Variants in NR2C2 observed in about 807,000 individuals in gnomAD.
NR2C2 encodes the protein Nuclear hormone receptor TR4.
NR2C2 carries 6 observed loss-of-function variants against 62.9 expected under a neutral mutation model. The ratio of observed to expected loss-of-function variants is 0.10; its 90% CI spans 0.05 to 0.19. NR2C2 has a LOEUF of 0.19. Among genes scored for constraint, NR2C2 ranks in the 10% least tolerant of loss-of-function variants. The pLI, the probability that NR2C2 is intolerant of heterozygous loss-of-function variation, is 1.00. For missense variants in NR2C2, 479 were observed against 762.7 expected (o/e 0.63, Z 4.38); for synonymous variants, 272 against 273.8 (o/e 0.99, Z 0.07).
At chr3:14,991,756 T>A (rs549887105) in intron 1 of NR2C2, among the ~76,000 whole-genome samples, 1 of 150,520 alleles carries the variant, frequency 6.6e-6, no homozygotes, top group East Asian at 1.9e-4. Flanking sequence ...TTTCTTTTTT[T>A]TTTTTCTTTT....
At chr3:15,019,711 A>G (rs757919877) in intron 4 of NR2C2, among the ~76,000 whole-genome samples, 26 of 152,142 alleles carry the variant, frequency 1.7e-4, no homozygotes, top group African/African-American at 4.3e-4. Context: ...AAAAAAATTG[A>G]TATCATAGAA....
In NR2C2 at chr3:15,045,621, C is replaced by A. The variant is rs1341161638; in HGVS notation, c.*2613C>A. 1 of 152,650 alleles carries A rather than the reference C, an allele frequency of 6.6e-6. No individual in the cohort carries two copies. Among genetic ancestry groups the A allele is most frequent in the African/African-American group, 2.4e-5 (1 of 41,450 alleles). The allele number at this position is 152,650 out of a possible 1,614,324, so 9.5% of individuals were successfully genotyped here. A position where few individuals can be genotyped will look rare whatever the true frequency, so the allele number is the denominator to read the frequency against. ...TCTTGCTGCTTTAACTCATTTCAAG[C>A]CTCTGACTGCAGGTCCATTTCATCT... On this transcript the variant is annotated 3_prime_UTR_variant, in exon 14 of 14. Transcript: ENST00000425241.
At position 15,003,876 on chromosome 3, in the gene NR2C2, G is replaced by A; in HGVS notation, c.-39G>A. ...GATCCAGCCCACTTCTCACCCACAGGTAACACGTACACAGACCTCTCGGCC... is the reference window on the plus strand; with the variant it reads ...GATCCAGCCCACTTCTCACCCACAGATAACACGTACACAGACCTCTCGGCC... On this transcript the variant is annotated splice_region_variant and 5_prime_UTR_variant, in exon 2 of 14. Coordinates refer to ENST00000425241, the MANE Select transcript of NR2C2 (RefSeq NM_001291694.2). The A allele has an allele frequency of 6.2e-7, 1 of 1,603,868 alleles. No individual in the cohort carries two copies. The highest frequency in any genetic ancestry group is 8.5e-7 in the Non-Finnish European group (1 of 1,170,958).
intron 1 of NR2C2, among the ~76,000 whole-genome samples, chr3:14,976,726 T>C (rs2040218290): frequency 1.3e-5 from 2 of 151,202 alleles, no homozygotes; most frequent in African/African-American, 4.9e-5. Context: ...ATTACATGGC[T>C]AATTGATAGT....
intron 1 of NR2C2, among the ~76,000 whole-genome samples, chr3:14,962,655 CT>C (rs1228029134): frequency 0.11 from 13,643 of 123,576 alleles, 491 homozygotes; most frequent in African/African-American, 0.17. Flanking sequence ...TTATTTGTAA[CT>C]TTTTTTTTTT....
chr3:15,005,552 C>T (rs1335547163), intron 2 of NR2C2, among the ~76,000 whole-genome samples: 2 of 133,054 alleles, frequency 1.5e-5, no homozygotes, highest in Non-Finnish European at 1.6e-5. Context: ...GAGAATCTTG[C>T]TCTGTTGCCC....
In NR2C2 at chr3:15,016,275, C is replaced by T. The variant is rs753634496; in HGVS notation, c.376+21C>T. 7 of 1,564,760 alleles carry T rather than the reference C, an allele frequency of 4.5e-6. No homozygotes were observed. The East Asian group carries it at 1.6e-4, about 35-fold the overall frequency. On this transcript the variant is annotated intron_variant, in intron 4 of 13. Transcript: ENST00000425241. Reference sequence around the variant, plus strand: ...CTCCGGTATGTAGTTCCAGGTTATGCTGGCACTTATAATGGGCCAACAGCA... The same window carrying T: ...CTCCGGTATGTAGTTCCAGGTTATGTTGGCACTTATAATGGGCCAACAGCA...
rs951186479 is a variant in NR2C2, at chr3:15,047,524, T to C, written c.*4516T>C. 6.6e-6 allele frequency: 1 copy of C among 152,238 alleles called. No individual in the cohort carries two copies. Among genetic ancestry groups the C allele is most frequent in the East Asian group, 1.9e-4 (1 of 5,200 alleles). 9.4% of individuals were successfully genotyped at this position (152,238 alleles called of 1,614,324 possible). A position where few individuals can be genotyped will look rare whatever the true frequency, so the allele number is the denominator to read the frequency against. On this transcript the variant is annotated 3_prime_UTR_variant, in exon 14 of 14. Transcript: ENST00000425241. ...ATCAGCCTTCCCAGCTATTCAGCTC[T>C]GTTGAGTAGCCCAGAGACAGGCGTC...
chr3:14,948,867 A>T (rs2125188774), intron 1 of NR2C2: 1 of 152,210 alleles, frequency 6.6e-6, no homozygotes, highest in Admixed American at 6.5e-5. Context: ...TCGACTGTAA[A>T]TGGGGGGCAT....
intron 1 of NR2C2, among the ~76,000 whole-genome samples, chr3:14,961,696 A>ATCTTTAGGTGATCAC (rs1238482080): frequency 6.6e-6 from 1 of 152,194 alleles, no homozygotes; most frequent in Non-Finnish European, 1.5e-5. Flanking sequence ...ACACTCTTTG[A>ATCTTTAGGTGATCAC]TCTTTAGGTG....
intron 1 of NR2C2, among the ~76,000 whole-genome samples, chr3:14,984,844 A>T (rs1344796577): frequency 6.7e-6 from 1 of 150,238 alleles, no homozygotes; most frequent in African/African-American, 2.5e-5. Context: ...TTTTTTTTTT[A>T]AAGAGACTGC....
rs1480152855 is a variant in NR2C2, at chr3:15,046,935, C to T, written c.*3927C>T. 1 of 152,656 alleles carries T rather than the reference C, an allele frequency of 6.6e-6. No individual in the cohort carries two copies. Among genetic ancestry groups the T allele is most frequent in the Non-Finnish European group, 1.5e-5 (1 of 68,052 alleles). 9.5% of individuals were successfully genotyped at this position (152,656 alleles called of 1,614,324 possible). On this transcript the variant is annotated 3_prime_UTR_variant, in exon 14 of 14. Coordinates refer to ENST00000425241, the MANE Select transcript of NR2C2 (RefSeq NM_001291694.2). ...ACAGGGTTGGTTTGGGTCTTTTGTA[C>T]ACAGGGTCTGGACCTTCTCATTGTG... is the stretch of plus-strand genomic sequence containing the variant.
chr3:15,021,076 G>T, intron 5 of NR2C2, 144 bp downstream of exon 5: 2 of 769,270 alleles, frequency 2.6e-6, no homozygotes, highest in Non-Finnish European at 4.1e-6. Context: ...TACCTCATGG[G>T]TCAGCCAGGT....
chr3:15,045,030 T>C lies in NR2C2; in HGVS notation c.*2022T>C, dbSNP rs925003448. 2.6e-5 allele frequency: 4 copies of C among 152,208 alleles called. No homozygotes were observed. Among genetic ancestry groups the C allele is most frequent in the Admixed American group, 2.6e-4 (4 of 15,280 alleles). The allele number at this position is 152,208 out of a possible 1,614,324, so 9.4% of individuals were successfully genotyped here. A position where few individuals can be genotyped will look rare whatever the true frequency, so the allele number is the denominator to read the frequency against. Reference sequence around the variant, plus strand: ...TTAATTTTGCCAGCTTAAAGTAATTTTTACTTTTCTAACCCTGATGTGTTT... The same window carrying C: ...TTAATTTTGCCAGCTTAAAGTAATTCTTACTTTTCTAACCCTGATGTGTTT... On this transcript the variant is annotated 3_prime_UTR_variant, in exon 14 of 14. Transcript: ENST00000425241.
chr3:14,983,055 C>T (rs2040417908), intron 1 of NR2C2, among the ~76,000 whole-genome samples: 1 of 152,120 alleles, frequency 6.6e-6, no homozygotes, highest in African/African-American at 2.4e-5. Context: ...ATAATAATTA[C>T]ATCAGGGTAA....
intron 6 of NR2C2, 91 bp downstream of exon 6, chr3:15,023,438 C>G (rs2041731669): frequency 1.4e-6 from 2 of 1,425,918 alleles, no homozygotes; most frequent in African/African-American, 1.4e-5. Flanking sequence ...TGGCTTCCCA[C>G]CCATCTGCCA....
intron 9 of NR2C2, among the ~76,000 whole-genome samples, chr3:15,031,615 C>T (rs2041982629): frequency 1.3e-5 from 2 of 152,070 alleles, no homozygotes; most frequent in African/African-American, 4.8e-5. Flanking sequence ...TCAAGCAATC[C>T]TCCCACCTCA....
intron 1 of NR2C2, among the ~76,000 whole-genome samples, chr3:14,979,254 C>T (rs897378899): frequency 6.6e-6 from 1 of 152,154 alleles, no homozygotes; most frequent in African/African-American, 2.4e-5. Context: ...CTGTACTTAA[C>T]TGGAATTCAG....
intron 1 of NR2C2, among the ~76,000 whole-genome samples, chr3:14,956,908 A>T (rs922830424): frequency 1.3e-5 from 2 of 152,180 alleles, no homozygotes; most frequent in Admixed American, 1.3e-4. Flanking sequence ...TGAAAATCAG[A>T]CCTATTCCTA....
Sources: gnomAD v4.1 joint callset for allele counts (sites outside exome capture counted in the v4.1 genomes callset) on GRCh38, gnomAD v4.1.1 for gene constraint, MANE v1.5 for transcripts, NCBI Gene and HGNC (gene_info 2026-07-23, HGNC 2026-07-21) for gene names.